The following ACIN1 variants were observed in gnomAD, a reference collection of about 807,000 sequenced individuals.
ACIN1 encodes the protein apoptotic chromatin condensation inducer in the nucleus.
Under a neutral mutation model 146.6 loss-of-function variants are expected in ACIN1, and 16 were observed. The observed-to-expected ratio is 0.11, with a 90% CI of 0.07 to 0.17. The LOEUF (loss-of-function observed/expected upper bound fraction) is 0.17, where lower values mean the gene tolerates loss of function less well. Among genes scored for constraint, ACIN1 ranks in the 10% least tolerant of loss-of-function variants. The pLI is 1.00. For synonymous variants in ACIN1, 569 were observed against 582.7 expected, an observed-to-expected ratio of 0.98 and a Z score of 0.34; for missense variants, 1,357 against 1,609.3, an observed-to-expected ratio of 0.84 and a Z score of 2.68.
Position 23,080,771 on chromosome 14 carries a change from A to G in ACIN1, c.564T>C (p.Ala188=), listed in dbSNP as rs2047924808. The G allele has an allele frequency of 3.1e-6, 5 of 1,611,718 alleles. No homozygotes were observed. The Admixed American group carries it at 6.7e-5, about 22-fold the overall frequency. ...GTGTTTCTTGATCCTCTTCCTCCTC[A>G]GCAGGTTGGCTGCCCTCAGACAGTT... The part of the protein sequence containing the change: ...AAKLSEGSQP[A]EEEEDQETPS... Residue 188 remains alanine, a synonymous_variant, in exon 6 of 19, where the codon GCT becomes GCC. Coordinates refer to ENST00000605057, the MANE Select transcript of ACIN1 (RefSeq NM_001386863.1).
At chr14:23,062,762 C>T in intron 14 of ACIN1, 167 bp downstream of exon 14, 1 of 944,518 alleles carries the variant, frequency 1.1e-6, no homozygotes, top group Non-Finnish European at 1.6e-6. Flanking sequence ...ACAGCTTTTC[C>T]CCCTCATTTT....
Position 23,081,748 on chromosome 14 carries a change from C to G in ACIN1, c.525G>C (p.Gln175His). ...ATGCTTTAGGAGGTATCTGAGTTAC[C>G]TGTCTGACCCTAGATGATCGTCTTT... ...KGERRSSRVR[Q>H]ARAAKLSEGS... is the part of the protein sequence containing the mutation. Residue 175 changes from glutamine to histidine, a missense_variant and splice_region_variant, in exon 5 of 19, where the codon CAG (glutamine) becomes CAC (histidine). Gln to His is a conservative substitution (Grantham distance 24). Transcript: ENST00000605057. The G allele has an allele frequency of 6.2e-7, 1 of 1,609,948 alleles. No homozygotes were observed. Among genetic ancestry groups the G allele is most frequent in the Non-Finnish European group, 8.5e-7 (1 of 1,178,292 alleles).
rs749831825 is a variant in ACIN1, at chr14:23,084,149, G to T, written c.437-2313C>A. On this transcript the variant is annotated intron_variant, in intron 4 of 18. Coordinates refer to ENST00000605057, the MANE Select transcript of ACIN1 (RefSeq NM_001386863.1). ...TTTAGTAGAGACGGGGTTTTGCCAC[G>T]TTGGCCAGGCTGGTCTCGAACTCCT... is the stretch of plus-strand genomic sequence containing the variant. 3.9e-5 allele frequency among the ~76,000 whole-genome samples: 6 copies of T among 152,200 alleles called. No homozygotes were observed. In the South Asian group the frequency reaches 1.0e-3, roughly 26 times the overall value.
Position 23,064,189 on chromosome 14 carries a change from A to G in ACIN1, c.2511T>C (p.Ser837=). The change falls in exon 12 of 19, where the codon TCT becomes TCC. Residue 837 remains serine, a synonymous_variant. Coordinates refer to ENST00000605057, the MANE Select transcript of ACIN1 (RefSeq NM_001386863.1). ...GCTCTGTCTCATCCTCAGAGATGCG[A>G]GAGTCATCAGCATGAAGATCCACAA... ...EAVVDLHADD[S]RISEDETERN... The G allele has an allele frequency of 6.2e-7, 1 of 1,614,116 alleles. No homozygotes were observed. Among genetic ancestry groups the G allele is most frequent in the South Asian group, 1.1e-5 (1 of 91,078 alleles).
chr14:23,068,506 A>G lies in ACIN1; in HGVS notation c.2265+970T>C, dbSNP rs578026472. 247 of 985,802 alleles carry G rather than the reference A, an allele frequency of 2.5e-4. No individual in the cohort carries two copies. The highest frequency in any genetic ancestry group is 2.9e-4 in the Non-Finnish European group (244 of 829,974). The allele number at this position is 985,802 out of a possible 1,614,324, so 61.1% of individuals were successfully genotyped here. On this transcript the variant is annotated intron_variant, in intron 9 of 18. Transcript: ENST00000605057. This position sits in a 1 kb window ranked among gnomAD's most constrained non-coding sequence, Gnocchi z 4.3. Reference sequence around the variant, plus strand: ...AGGGAGGCAAAAGGGGGCCCATCACAGGAGCCCATATACATGCCCCCCTCT... The same window carrying G: ...AGGGAGGCAAAAGGGGGCCCATCACGGGAGCCCATATACATGCCCCCCTCT...
chr14:23,058,825 G>A lies in ACIN1; in HGVS notation c.*323C>T. 1 of 379,848 alleles carries A rather than the reference G, an allele frequency of 2.6e-6. No individual in the cohort carries two copies. Among genetic ancestry groups the A allele is most frequent in the Non-Finnish European group, 4.8e-6 (1 of 206,834 alleles). The allele number at this position is 379,848 out of a possible 1,614,324, so 23.5% of individuals were successfully genotyped here. On this transcript the variant is annotated 3_prime_UTR_variant, in exon 19 of 19. Coordinates refer to ENST00000605057, the MANE Select transcript of ACIN1 (RefSeq NM_001386863.1). ...AAGGCTGTAAGTACCCAGGGAGGTG[G>A]TAAGCAGGATGGAGGAAAAATCAGA...
intron 12 of ACIN1, 85 bp from the exon 13 acceptor site, chr14:23,063,662 A>G: frequency 1.3e-6 from 2 of 1,496,060 alleles, no homozygotes; most frequent in Admixed American, 3.5e-5. Context: ...CGGTAAGAGT[A>G]GCAGTCAATC....
In ACIN1 at chr14:23,062,269, T is replaced by C; in HGVS notation, c.2998A>G (p.Thr1000Ala). 6.2e-7 allele frequency: 1 copy of C among 1,613,432 alleles called. No homozygotes were observed. Among genetic ancestry groups the C allele is most frequent in the South Asian group, 1.1e-5 (1 of 91,058 alleles). ...IKSHCFVTYS[T>A]VEEAVATRTA... ...CGGGTGGCAACAGCTTCCTCTACTG[T>C]TGAGTACTGGTGGAGGAAGGGAGAA... is the stretch of plus-strand genomic sequence containing the variant. Residue 1000 changes from threonine (T) to alanine (A), a missense_variant, in exon 16 of 19, where the codon ACA becomes GCA. Coordinates refer to ENST00000605057, the MANE Select transcript of ACIN1 (RefSeq NM_001386863.1).
At chr14:23,088,967 G>A (rs967111382) in intron 4 of ACIN1, among the ~76,000 whole-genome samples, 1 of 152,124 alleles carries the variant, frequency 6.6e-6, no homozygotes, top group Non-Finnish European at 1.5e-5. Flanking sequence ...GACTTAGACA[G>A]GTAGTTCCCA....
chr14:23,075,359 C>T (rs1019558440), intron 8 of ACIN1, among the ~76,000 whole-genome samples: 2 of 143,846 alleles, frequency 1.4e-5, no homozygotes, highest in Non-Finnish European at 3.0e-5. Context: ...AAAGAGAATA[C>T]CATTATTTTC....
chr14:23,095,280 T>C, upstream of ACIN1: 2 of 1,596,700 alleles, frequency 1.3e-6, no homozygotes, highest in Non-Finnish European at 1.7e-6. Flanking sequence ...TGTTTCCGTC[T>C]CCACATCGTT....
chr14:23,064,063 T>C, intron 12 of ACIN1, 42 bp downstream of exon 12: 2 of 1,610,804 alleles, frequency 1.2e-6, no homozygotes, highest in Non-Finnish European at 1.7e-6. Context: ...CTGCATCTAC[T>C]GCTCCCACCT....
In ACIN1 at chr14:23,079,595, T is replaced by A. The variant is rs1190419213; in HGVS notation, c.1740A>T (p.Arg580Ser). 3 of 1,545,162 alleles carry A rather than the reference T, an allele frequency of 1.9e-6. No individual in the cohort carries two copies. The African/African-American group carries it at 4.6e-5, about 24-fold the overall frequency. The change falls in exon 6 of 19, where the codon AGA (arginine) becomes AGT (serine). Residue 580 changes from arginine to serine, a missense_variant. By Grantham distance (110) the Arg-to-Ser change is moderately radical. Coordinates refer to ENST00000605057, the MANE Select transcript of ACIN1 (RefSeq NM_001386863.1). The part of the protein sequence containing the change: ...KMGSRSTSES[R>S]SRSRSRSRSA... ...AACGAGAACGTGAACGTGACCTTGATCTGGACTCTGATGTTGATCTGGAGC... is the reference window on the plus strand; with the variant it reads ...AACGAGAACGTGAACGTGACCTTGAACTGGACTCTGATGTTGATCTGGAGC...
At chr14:23,061,682 G>C in intron 16 of ACIN1, 60 bp from the exon 17 acceptor site, 1 of 1,437,086 alleles carries the variant, frequency 7.0e-7, no homozygotes, top group Non-Finnish European at 9.2e-7. Context: ...CCCACTCAAG[G>C]AGCCAGGATG....
intron 8 of ACIN1, 21 bp from the exon 9 acceptor site, chr14:23,069,638 T>TGGTGGGGGGTGGGGG: frequency 6.1e-6 from 2 of 326,670 alleles, no homozygotes; most frequent in Non-Finnish European, 5.5e-6. Flanking sequence ...GGGGGAGTGG[T>TGGTGGGGGGTGGGGG]GGTGGGGGGG....
chr14:23,092,912 T>C (rs1226733936), intron 2 of ACIN1, among the ~76,000 whole-genome samples: 1 of 152,164 alleles, frequency 6.6e-6, no homozygotes, highest in East Asian at 1.9e-4. Flanking sequence ...TTAGTCTGTT[T>C]CTCATATTAC....
At chr14:23,090,477 A>G (rs759286550) in intron 3 of ACIN1, 45 bp downstream of exon 3, 65 of 1,546,680 alleles carry the variant, frequency 4.2e-5, no homozygotes, top group Non-Finnish European at 5.5e-5. Context: ...GGTGACAGGG[A>G]TAAGAATGAC....
chr14:23,076,618 G>A (rs2047808397), intron 8 of ACIN1: 1 of 152,168 alleles, frequency 6.6e-6, no homozygotes. Flanking sequence ...TTTAAGGCTA[G>A]CAAAGAGCTT....
At position 23,069,563 on chromosome 14, in the gene ACIN1, A is replaced by G. The variant is rs2047563130; in HGVS notation, c.2178T>C (p.Asp726=). The G allele has an allele frequency of 1.2e-6, 2 of 1,610,322 alleles. No individual in the cohort carries two copies. Among genetic ancestry groups the G allele is most frequent in the Non-Finnish European group, 1.7e-6 (2 of 1,179,152 alleles). ...CAATAGGCATGGGAGGTTCTGGAAC[A>G]TCATTTTCAGGTCTGTTTTCACTTG... ...MDTSENRPEN[D]VPEPPMPIAD... is the part of the protein sequence containing the mutation. The change falls in exon 9 of 19, where the codon GAT becomes GAC. Residue 726 remains aspartate, a synonymous_variant. Transcript: ENST00000605057.
Sources: gnomAD v4.1 joint callset for allele counts (sites outside exome capture counted in the v4.1 genomes callset) on GRCh38, gnomAD v4.1.1 for gene constraint, Gnocchi (gnomAD v3.1) non-coding constraint, MANE v1.5 for transcripts, NCBI Gene and HGNC (gene_info 2026-07-23, HGNC 2026-07-21) for gene names.